KCND2: variants seen among roughly 807,000 people sequenced by gnomAD.
KCND2 encodes potassium voltage-gated channel subfamily D member 2.
KCND2 carries 16 observed loss-of-function variants against 54.4 expected under a neutral mutation model. The ratio of observed to expected loss-of-function variants is 0.29; its 90% confidence interval spans 0.20 to 0.45. KCND2 has a LOEUF of 0.45. Among genes scored for constraint, KCND2 ranks in the 20% least tolerant of loss-of-function variants. The pLI is 1.00. For missense variants in KCND2, 486 were observed against 824.2 expected, an observed-to-expected ratio of 0.59 and a Z score of 5.02; for synonymous variants, 317 against 310.7, an observed-to-expected ratio of 1.02 and a Z score of -0.21.
At chr7:120,283,951 T>C (rs1269194334) in intron 1 of KCND2, among the ~76,000 whole-genome samples, 4 of 152,144 alleles carry the variant, frequency 2.6e-5, no homozygotes, top group Admixed American at 2.6e-4. Flanking sequence ...TTATAGCAGA[T>C]GTGTGATGAA....
intron 1 of KCND2, among the ~76,000 whole-genome samples, chr7:120,626,823 C>T (rs1268563163): frequency 1.3e-5 from 2 of 152,096 alleles, no homozygotes; most frequent in African/African-American, 2.4e-5. Flanking sequence ...CTTTGAAAGA[C>T]CAAATGAAGC....
chr7:120,351,796 TTTTTC>T (rs1800411209), intron 1 of KCND2, among the ~76,000 whole-genome samples: 1 of 151,896 alleles, frequency 6.6e-6, no homozygotes, highest in African/African-American at 2.4e-5. Context: ...CTTTTTCTTT[TTTTTC>T]TTTTCTTTCT....
intron 1 of KCND2, among the ~76,000 whole-genome samples, chr7:120,461,421 A>G (rs1802282199): frequency 1.3e-5 from 2 of 152,144 alleles, no homozygotes; most frequent in African/African-American, 4.8e-5. Context: ...AACAAATGGT[A>G]TTTCAGATAT....
intron 1 of KCND2, among the ~76,000 whole-genome samples, chr7:120,638,873 A>T (rs1042802171): frequency 1.3e-5 from 2 of 152,098 alleles, no homozygotes; most frequent in Non-Finnish European, 2.9e-5. Flanking sequence ...TTGTTGATAG[A>T]GGGGACTTGT....
chr7:120,653,975 T>C (rs1487226968), intron 1 of KCND2, among the ~76,000 whole-genome samples: 1 of 152,170 alleles, frequency 6.6e-6, no homozygotes, highest in Non-Finnish European at 1.5e-5. Flanking sequence ...TTTTTGAGCG[T>C]TTTCTCTCTA....
At chr7:120,589,029 G>A (rs777963380) in intron 1 of KCND2, among the ~76,000 whole-genome samples, 13 of 152,112 alleles carry the variant, frequency 8.5e-5, no homozygotes, top group African/African-American at 1.2e-4. Context: ...AAGCCAGACC[G>A]GAAAGATTTT....
At chr7:120,358,600 A>G (rs1273438298) in intron 1 of KCND2, among the ~76,000 whole-genome samples, 1 of 152,106 alleles carries the variant, frequency 6.6e-6, no homozygotes, top group African/African-American at 2.4e-5. Context: ...GATACTGCTA[A>G]TGTACAGAAA....
intron 1 of KCND2, among the ~76,000 whole-genome samples, chr7:120,622,920 CA>C (rs1793120077): frequency 1.3e-5 from 2 of 151,934 alleles, no homozygotes; most frequent in South Asian, 4.2e-4. Context: ...GTAGGAGAAT[CA>C]AAGAAACATA....
intron 1 of KCND2, among the ~76,000 whole-genome samples, chr7:120,670,839 T>C (rs527513581): frequency 1.3e-5 from 2 of 150,988 alleles, no homozygotes; most frequent in Non-Finnish European, 3.0e-5. Flanking sequence ...TGGCATGAAC[T>C]TGGGAGGCGG....
chr7:120,415,903 A>G (rs1256034577), intron 1 of KCND2, among the ~76,000 whole-genome samples: 1 of 152,180 alleles, frequency 6.6e-6, no homozygotes, highest in Non-Finnish European at 1.5e-5. Context: ...ACAGGCATCC[A>G]TCCGTTTACA....
chr7:120,380,929 T>C (rs1563027696), intron 1 of KCND2, among the ~76,000 whole-genome samples: 2 of 152,092 alleles, frequency 1.3e-5, no homozygotes, highest in Non-Finnish European at 2.9e-5. Flanking sequence ...TTGAATAAAT[T>C]ATTTTAAATT....
chr7:120,280,528 C>CAA (rs879562855), intron 1 of KCND2, among the ~76,000 whole-genome samples: 10,475 of 151,908 alleles, frequency 0.069, 748 homozygotes, highest in African/African-American at 0.18. Context: ...GATAAACTGT[C>CAA]TTATTTTATT....
At chr7:120,642,578 AT>A (rs1037147947) in intron 1 of KCND2, among the ~76,000 whole-genome samples, 14 of 147,414 alleles carry the variant, frequency 9.5e-5, no homozygotes, top group African/African-American at 1.8e-4. Flanking sequence ...ATAAAAAAAA[AT>A]ATATATATAT....
chr7:120,465,320 C>T (rs1802351027), intron 1 of KCND2, among the ~76,000 whole-genome samples: 7 of 151,850 alleles, frequency 4.6e-5, no homozygotes, highest in Admixed American at 6.6e-5. Flanking sequence ...AATGTGTAAT[C>T]GGTGTACCAA....
At chr7:120,523,632 A>G (rs1175393714) in intron 1 of KCND2, among the ~76,000 whole-genome samples, 1 of 148,480 alleles carries the variant, frequency 6.7e-6, no homozygotes, top group African/African-American at 2.5e-5. Context: ...CATATATAGT[A>G]TGTATATACA....
At chr7:120,547,419 A>G (rs1473097386) in intron 1 of KCND2, among the ~76,000 whole-genome samples, 1 of 151,934 alleles carries the variant, frequency 6.6e-6, no homozygotes, top group Admixed American at 6.6e-5. Context: ...CTGAGCCTCC[A>G]TTTACTTTTT....
At chr7:120,742,764 A>G (rs1792958886) in intron 4 of KCND2, among the ~76,000 whole-genome samples, 162 bp downstream of exon 4, 1 of 152,240 alleles carries the variant, frequency 6.6e-6, no homozygotes, top group African/African-American at 2.4e-5. Flanking sequence ...AATTACTTTG[A>G]AAGATGTAAT....
chr7:120,378,975 C>A (rs1800874993), intron 1 of KCND2, among the ~76,000 whole-genome samples: 1 of 151,826 alleles, frequency 6.6e-6, no homozygotes. Context: ...ACTGAAAATA[C>A]AATAAAACTG....
intron 1 of KCND2, among the ~76,000 whole-genome samples, chr7:120,646,618 G>T (rs773151842): frequency 1.3e-5 from 2 of 152,156 alleles, no homozygotes; most frequent in Non-Finnish European, 2.9e-5. Flanking sequence ...TGGACAAATG[G>T]CTTCAATTTT....
Sources: gnomAD v4.1 joint callset for allele counts (sites outside exome capture counted in the v4.1 genomes callset) on GRCh38, gnomAD v4.1.1 for gene constraint, MANE v1.5 for transcripts, NCBI Gene and HGNC (gene_info 2026-07-23, HGNC 2026-07-21) for gene names.